The following RIT2 variants were observed in gnomAD, a reference collection of about 807,000 sequenced individuals.
RIT2 encodes Ras like without CAAX 2, also known as GTP-binding protein Rit2.
Under a neutral mutation model 23.7 loss-of-function variants are expected in RIT2, and 24 were observed. The ratio of observed to expected loss-of-function variants is 1.01; its 90% confidence interval spans 0.73 to 1.43. RIT2 has a LOEUF of 1.43. RIT2 is among the 40% of genes most tolerant of loss of function. RIT2 has a pLI of 0.00. For synonymous variants in RIT2, 107 were observed against 91.1 expected (o/e 1.17, Z -0.99); for missense variants, 236 against 266.9 (o/e 0.88, Z 0.81).
chr18:42,896,882 C>G (rs1285815682), intron 4 of RIT2, among the ~76,000 whole-genome samples: 1 of 152,176 alleles, frequency 6.6e-6, no homozygotes, highest in Non-Finnish European at 1.5e-5. Context: ...GCTTAGGTAA[C>G]AGTTTTGTGA....
At chr18:42,937,527 T>C (rs1210743442) in intron 3 of RIT2, among the ~76,000 whole-genome samples, 4 of 152,104 alleles carry the variant, frequency 2.6e-5, no homozygotes, top group African/African-American at 9.7e-5. Flanking sequence ...TAGGGCAGCA[T>C]GCATGGATTC....
At chr18:42,983,966 A>G (rs929578162) in intron 2 of RIT2, among the ~76,000 whole-genome samples, 1 of 152,104 alleles carries the variant, frequency 6.6e-6, no homozygotes, top group Non-Finnish European at 1.5e-5. Flanking sequence ...AATTTAAAGA[A>G]AACTAATCAT....
intron 2 of RIT2, among the ~76,000 whole-genome samples, chr18:43,018,805 G>T (rs1911532562): frequency 1.3e-5 from 2 of 151,902 alleles, no homozygotes; most frequent in Non-Finnish European, 2.9e-5. Flanking sequence ...AAATGCTAAG[G>T]GAGTTTACAC....
chr18:42,883,115 G>GGTGT (rs144887838), intron 4 of RIT2, among the ~76,000 whole-genome samples: 1 of 151,018 alleles, frequency 6.6e-6, no homozygotes, highest in Admixed American at 6.6e-5. Flanking sequence ...AAATGGAAGT[G>GGTGT]GTGTGTGTGT....
chr18:42,885,402 G>C (rs906624761), intron 4 of RIT2, among the ~76,000 whole-genome samples: 8 of 152,212 alleles, frequency 5.3e-5, no homozygotes, highest in Admixed American at 3.9e-4. Flanking sequence ...TGGCTAACGC[G>C]GTGAAACCCC....
intron 2 of RIT2, among the ~76,000 whole-genome samples, chr18:42,986,071 C>T (rs1417452649): frequency 6.7e-6 from 1 of 148,346 alleles, no homozygotes; most frequent in Non-Finnish European, 1.5e-5. Context: ...TGGAGTGTGG[C>T]TCTCATTGCC....
intron 3 of RIT2, among the ~76,000 whole-genome samples, chr18:42,950,092 T>C (rs1909814422): frequency 6.6e-6 from 1 of 152,122 alleles, no homozygotes; most frequent in Admixed American, 6.6e-5. Context: ...ATTTTGTGCT[T>C]CTGCATTAAT....
chr18:43,014,939 C>A (rs1236017176), intron 2 of RIT2, among the ~76,000 whole-genome samples: 1 of 151,504 alleles, frequency 6.6e-6, no homozygotes, highest in Non-Finnish European at 1.5e-5. Context: ...GTAGAATAGC[C>A]AGATGAAGAA....
chr18:42,816,468 T>C (rs1442603569), intron 4 of RIT2, among the ~76,000 whole-genome samples: 1 of 152,134 alleles, frequency 6.6e-6, no homozygotes, highest in Non-Finnish European at 1.5e-5. Flanking sequence ...CACTGGGAAA[T>C]AGAAGATTTT....
chr18:42,837,153 CTTTTTTTTTTTTTTTTTT>C lies in RIT2; in HGVS notation c.426+86401_426+86418del, dbSNP rs570701535. Among the ~76,000 whole-genome samples, 145 of 51,714 alleles carry C rather than the reference CTTTTTTTTTTTTTTTTTT, an allele frequency of 2.8e-3. 2 individuals are homozygous for C. The highest frequency in any genetic ancestry group is 0.021 in the East Asian group (32 of 1,556). The allele number at this position is 51,714 out of a possible 152,430, so 33.9% of individuals were successfully genotyped here. ...TAAAAATTTCTTTTTTTTTCTTTTT[CTTTTTTTTTTTTTTTTTT>C]TTTTTTTTTTTTTTGAGACGGAGTC... On this transcript the variant is annotated intron_variant, in intron 4 of 4. Transcript: ENST00000326695.
intron 4 of RIT2, among the ~76,000 whole-genome samples, chr18:42,761,314 G>A (rs1444416495): frequency 6.6e-6 from 1 of 152,112 alleles, no homozygotes; most frequent in Non-Finnish European, 1.5e-5. Flanking sequence ...ACTTCAAGAA[G>A]TGTTTGTTGA....
intron 4 of RIT2, among the ~76,000 whole-genome samples, chr18:42,890,400 C>G (rs1908139226): frequency 1.3e-5 from 2 of 151,002 alleles, no homozygotes; most frequent in African/African-American, 4.9e-5. Flanking sequence ...TTAATACTAT[C>G]TACTACACAG....
chr18:43,069,012 G>A (rs1912839084), intron 1 of RIT2, among the ~76,000 whole-genome samples: 1 of 152,110 alleles, frequency 6.6e-6, no homozygotes, highest in African/African-American at 2.4e-5. Flanking sequence ...CCGGTTAAGG[G>A]AACAGATTGG....
At chr18:42,744,508 TCTC>T (rs1040297383) in intron 4 of RIT2, among the ~76,000 whole-genome samples, 4 of 152,040 alleles carry the variant, frequency 2.6e-5, no homozygotes, top group African/African-American at 9.7e-5. Context: ...TTATATTAAA[TCTC>T]CTTTGTTTCA....
At chr18:42,820,231 A>C (rs1397817643) in intron 4 of RIT2, among the ~76,000 whole-genome samples, 1 of 152,084 alleles carries the variant, frequency 6.6e-6, no homozygotes, top group Non-Finnish European at 1.5e-5. Flanking sequence ...GCATTGACTG[A>C]AATACTCATT....
At chr18:42,840,809 T>C (rs911381205) in intron 4 of RIT2, among the ~76,000 whole-genome samples, 1 of 152,204 alleles carries the variant, frequency 6.6e-6, no homozygotes, top group Non-Finnish European at 1.5e-5. Flanking sequence ...CTGCTTTTAA[T>C]TTCACAATAT....
At chr18:42,957,176 A>G (rs1384350903) in intron 3 of RIT2, among the ~76,000 whole-genome samples, 1 of 152,176 alleles carries the variant, frequency 6.6e-6, no homozygotes, top group African/African-American at 2.4e-5. Context: ...ATGGTGAGCC[A>G]ACACACCCCC....
intron 4 of RIT2, among the ~76,000 whole-genome samples, chr18:42,896,123 G>T (rs1020288419): frequency 5.9e-5 from 9 of 152,112 alleles, no homozygotes; most frequent in Admixed American, 2.0e-4. Context: ...AATTAGCTAG[G>T]CGTGGTGGCA....
At chr18:43,114,771 A>G (rs1462856056) in intron 1 of RIT2, among the ~76,000 whole-genome samples, 1 of 152,100 alleles carries the variant, frequency 6.6e-6, no homozygotes, top group African/African-American at 2.4e-5. Context: ...CATCTCTATT[A>G]TCACCTCATC....
Sources: allele counts gnomAD v4.1 joint callset (sites outside exome capture counted in the v4.1 genomes callset), GRCh38; gene constraint gnomAD v4.1.1; transcripts MANE v1.5; gene names NCBI Gene and HGNC (gene_info 2026-07-23, HGNC 2026-07-21).